FIG4: variants seen among roughly 807,000 people sequenced by gnomAD.
FIG4 encodes the protein FIG4 phosphoinositide 5-phosphatase, also known as polyphosphoinositide phosphatase.
Under a neutral mutation model 118.6 loss-of-function variants are expected in FIG4, and 112 were observed. That is an observed-to-expected ratio of 0.94 (90% CI 0.81 to 1.11). FIG4 has a LOEUF of 1.11. FIG4 is among the 50% of genes least tolerant of loss of function. FIG4 has a pLI of 0.00. For missense variants in FIG4, 969 were observed against 1,111.7 expected (o/e 0.87, Z 1.83); for synonymous variants, 369 against 381.2 (o/e 0.97, Z 0.37).
At chr6:109,718,184 T>C (rs1377822878) in intron 3 of FIG4, among the ~76,000 whole-genome samples, 1 of 152,110 alleles carries the variant, frequency 6.6e-6, no homozygotes, top group Non-Finnish European at 1.5e-5. Context: ...TAAGCAACAC[T>C]TTTAAGCAAC....
chr6:109,749,165 A>G (rs941311137), intron 10 of FIG4, among the ~76,000 whole-genome samples: 2 of 151,674 alleles, frequency 1.3e-5, no homozygotes, highest in African/African-American at 4.8e-5. Context: ...GAAGAGTGAA[A>G]CAGTGAGGCA....
At chr6:109,808,175 G>A (rs893506604) in intron 22 of FIG4, among the ~76,000 whole-genome samples, 1 of 152,048 alleles carries the variant, frequency 6.6e-6, no homozygotes, top group Non-Finnish European at 1.5e-5. Context: ...AAAGGAAGAA[G>A]AGGGAAAAGA....
rs368282150 is a variant in FIG4 at position 109,716,585 on chromosome 6, C to T, written c.289+17C>T. On this transcript the variant is annotated intron_variant, in intron 3 of 22. Transcript: ENST00000230124. ...GTGTTGTGGGTAAGAAATCTGCCCC[C>T]CTTCTTACAATCTCTTGTTTTTTGT... 6.6e-5 allele frequency: 106 copies of T among 1,613,128 alleles called. No individual in the cohort carries two copies. The highest frequency in any genetic ancestry group is 7.7e-5 in the Non-Finnish European group (91 of 1,179,452).
intron 3 of FIG4, among the ~76,000 whole-genome samples, chr6:109,720,171 C>A (rs1775562400): frequency 6.6e-6 from 1 of 152,134 alleles, no homozygotes; most frequent in South Asian, 2.1e-4. Context: ...CCTTATGTGT[C>A]CTACTTCAGT....
At chr6:109,718,920 A>AT (rs35555849) in intron 3 of FIG4, among the ~76,000 whole-genome samples, 53,438 of 143,266 alleles carry the variant, frequency 0.37, 10,576 homozygotes, top group African/African-American at 0.5. Context: ...ACCTTATTAC[A>AT]TTTTTTTTTT....
At chr6:109,770,424 G>A (rs1373236199) in intron 15 of FIG4, among the ~76,000 whole-genome samples, 17 of 152,166 alleles carry the variant, frequency 1.1e-4, no homozygotes, top group Non-Finnish European at 1.5e-5. Context: ...TGTAGTGAAT[G>A]TGTGTATGCA....
At chr6:109,714,570 G>T (rs996085191) in intron 1 of FIG4, among the ~76,000 whole-genome samples, 2 of 152,202 alleles carry the variant, frequency 1.3e-5, no homozygotes, top group Non-Finnish European at 2.9e-5. Context: ...ATTTGGGAAG[G>T]ACAACCATTT....
intron 22 of FIG4, among the ~76,000 whole-genome samples, chr6:109,807,933 C>T (rs1204322242): frequency 6.6e-6 from 1 of 152,012 alleles, no homozygotes; most frequent in Non-Finnish European, 1.5e-5. Flanking sequence ...TTTTCTGAGG[C>T]CTCTGTTCTG....
At chr6:109,785,227 T>C (rs1411487868) in intron 17 of FIG4, among the ~76,000 whole-genome samples, 199 bp downstream of exon 17, 1 of 152,242 alleles carries the variant, frequency 6.6e-6, no homozygotes, top group Non-Finnish European at 1.5e-5. Context: ...TATATTATAC[T>C]TCTTTTTATC....
intron 22 of FIG4, among the ~76,000 whole-genome samples, chr6:109,819,621 A>G (rs1778951508): frequency 6.6e-6 from 1 of 152,114 alleles, no homozygotes; most frequent in Non-Finnish European, 1.5e-5. Flanking sequence ...GGTGCCCGCC[A>G]CCACGAGCTG....
intron 6 of FIG4, among the ~76,000 whole-genome samples, chr6:109,735,784 T>C (rs1353302709): frequency 1.3e-5 from 2 of 152,098 alleles, no homozygotes; most frequent in East Asian, 3.9e-4. Context: ...GCTAGTTTTA[T>C]AGAATTAAAG....
Position 109,763,937 on chromosome 6 carries a change from G to A in FIG4, c.1389G>A (p.Lys463=). ...SYCSILRPDE[K]WNELGGCVIP... is the part of the protein sequence containing the mutation. ...TAAAAGTGTTTATTTTTAAACACAG[G>A]TGGAATGAACTAGGAGGATGTGTGA... The change falls in exon 13 of 23, where the codon AAG becomes AAA. Residue 463 remains lysine, a splice_region_variant and synonymous_variant. Coordinates refer to ENST00000230124, the MANE Select transcript of FIG4 (RefSeq NM_014845.6). 2.5e-6 allele frequency: 4 copies of A among 1,606,870 alleles called. No homozygotes were observed. The highest frequency in any genetic ancestry group is 3.4e-6 in the Non-Finnish European group (4 of 1,173,468).
intron 10 of FIG4, among the ~76,000 whole-genome samples, chr6:109,756,011 G>A (rs1198829969): frequency 1.3e-5 from 2 of 152,184 alleles, no homozygotes; most frequent in Non-Finnish European, 2.9e-5. Flanking sequence ...CTCGTTAGTT[G>A]ATGCAGTTTC....
intron 22 of FIG4, among the ~76,000 whole-genome samples, chr6:109,808,173 AAG>A (rs1778620769): frequency 6.6e-6 from 1 of 152,114 alleles, no homozygotes; most frequent in Non-Finnish European, 1.5e-5. Flanking sequence ...CCAAAGGAAG[AAG>A]AGGGAAAAGA....
At chr6:109,719,999 C>T (rs772032415) in intron 3 of FIG4, among the ~76,000 whole-genome samples, 7 of 152,178 alleles carry the variant, frequency 4.6e-5, no homozygotes, top group Non-Finnish European at 8.8e-5. Flanking sequence ...AAGGTGTCTC[C>T]ATGTTTCTTT....
intron 22 of FIG4, among the ~76,000 whole-genome samples, chr6:109,818,224 G>A (rs1328362295): frequency 6.6e-6 from 1 of 150,908 alleles, no homozygotes; most frequent in Non-Finnish European, 1.5e-5. Context: ...TTTTAAGACA[G>A]AGTTTCGCTC....
intron 3 of FIG4, among the ~76,000 whole-genome samples, chr6:109,721,111 C>G (rs1323473459): frequency 1.3e-5 from 2 of 151,998 alleles, no homozygotes; most frequent in Non-Finnish European, 1.5e-5. Flanking sequence ...AGGGGAGTGG[C>G]AAAATAAGAA....
At chr6:109,741,693 A>G in intron 8 of FIG4, 149 bp downstream of exon 8, 1 of 696,632 alleles carries the variant, frequency 1.4e-6, no homozygotes, top group South Asian at 1.5e-5. Flanking sequence ...TCAACAAGGG[A>G]TTGGTTCTAG....
At chr6:109,701,997 C>T (rs950984706) in intron 1 of FIG4, among the ~76,000 whole-genome samples, 1 of 152,170 alleles carries the variant, frequency 6.6e-6, no homozygotes, top group African/African-American at 2.4e-5. Flanking sequence ...ACTCACTTCC[C>T]CCTTCTGGGC....
Sources: gnomAD v4.1 joint callset for allele counts (sites outside exome capture counted in the v4.1 genomes callset) on GRCh38, gnomAD v4.1.1 for gene constraint, MANE v1.5 for transcripts, NCBI Gene and HGNC (gene_info 2026-07-23, HGNC 2026-07-21) for gene names.